The following CCDC148 variants were observed in gnomAD, a reference collection of about 807,000 sequenced individuals.
CCDC148 encodes coiled-coil domain-containing protein 148.
In CCDC148, 89 loss-of-function variants were observed where a neutral mutation model predicts 85.7. That is an observed-to-expected ratio of 1.04 (90% CI 0.87 to 1.24). The LOEUF (loss-of-function observed/expected upper bound fraction) is 1.24. CCDC148 is among the 50% of genes most tolerant of loss of function. The pLI, the probability that CCDC148 is intolerant of heterozygous loss-of-function variation, is 0.00. For synonymous variants in CCDC148, 230 were observed against 213.9 expected (o/e 1.08, Z -0.66); for missense variants, 692 against 671.7 (o/e 1.03, Z -0.33).
intron 11 of CCDC148, among the ~76,000 whole-genome samples, chr2:158,192,061 C>A (rs1371517856): frequency 6.6e-6 from 1 of 152,028 alleles, no homozygotes; most frequent in African/African-American, 2.4e-5. Flanking sequence ...AGGGAACCAA[C>A]TTTACTGGAA....
intron 11 of CCDC148, among the ~76,000 whole-genome samples, chr2:158,210,091 G>C (rs1382114216): frequency 1.3e-5 from 2 of 152,070 alleles, no homozygotes; most frequent in East Asian, 3.9e-4. Context: ...GACACACATA[G>C]GCTCAAAATA....
chr2:158,324,248 G>C (rs796653417), intron 7 of CCDC148, among the ~76,000 whole-genome samples: 19 of 152,020 alleles, frequency 1.2e-4, no homozygotes, highest in African/African-American at 4.6e-4. Flanking sequence ...TTATTTGGGT[G>C]AATAACATTT....
chr2:158,432,932 A>G (rs1202588334), intron 1 of CCDC148, among the ~76,000 whole-genome samples: 1 of 151,580 alleles, frequency 6.6e-6, no homozygotes, highest in African/African-American at 2.4e-5. Flanking sequence ...ATCATACACA[A>G]AAATTAACAT....
intron 5 of CCDC148, 32 bp downstream of exon 5, chr2:158,340,210 T>G (rs200424320): frequency 1.7e-5 from 27 of 1,601,450 alleles, no homozygotes; most frequent in Non-Finnish European, 4.3e-6. Flanking sequence ...AATGAAATAT[T>G]ACATTATGGA....
chr2:158,203,711 G>GA (rs552660818), intron 11 of CCDC148, among the ~76,000 whole-genome samples: 1 of 151,840 alleles, frequency 6.6e-6, no homozygotes, highest in African/African-American at 2.4e-5. Flanking sequence ...AAAAGGAAAA[G>GA]AAAAAAATTC....
rs1232912499 is a variant in CCDC148 at position 158,338,931 on chromosome 2, T to A, written c.583-24A>T. On this transcript the variant is annotated intron_variant, in intron 6 of 13. Coordinates refer to ENST00000283233, the MANE Select transcript of CCDC148 (RefSeq NM_138803.4). ...ATCTGAAAAAAAGTATATGATTATT[T>A]TATTTAACATAAACGACAAATTGAT... 12 of 1,599,670 alleles carry A rather than the reference T, an allele frequency of 7.5e-6. No homozygotes were observed. The African/African-American group carries it at 1.6e-4, about 22-fold the overall frequency.
At chr2:158,418,281 T>A (rs534397559) in intron 1 of CCDC148, among the ~76,000 whole-genome samples, 5 of 152,276 alleles carry the variant, frequency 3.3e-5, no homozygotes, top group African/African-American at 1.2e-4. Context: ...AATCTTTCCA[T>A]TCTAAAATTT....
intron 1 of CCDC148, among the ~76,000 whole-genome samples, chr2:158,441,807 T>C (rs1687944138): frequency 6.6e-6 from 1 of 152,182 alleles, no homozygotes; most frequent in South Asian, 2.1e-4. Context: ...AATATTAATA[T>C]CTTCCATGTT....
At chr2:158,389,657 A>G (rs1306662142) in intron 1 of CCDC148, among the ~76,000 whole-genome samples, 1 of 152,206 alleles carries the variant, frequency 6.6e-6, no homozygotes, top group African/African-American at 2.4e-5. Context: ...TTTATTTGTA[A>G]AGATGTCTTC....
chr2:158,311,018 C>A (rs1691980506), intron 8 of CCDC148, among the ~76,000 whole-genome samples: 1 of 152,132 alleles, frequency 6.6e-6, no homozygotes, highest in South Asian at 2.1e-4. Flanking sequence ...GGGCTCCTCA[C>A]ATCCCAGAAG....
At chr2:158,372,549 G>A (rs903920418) in intron 1 of CCDC148, among the ~76,000 whole-genome samples, 4 of 151,958 alleles carry the variant, frequency 2.6e-5, no homozygotes, top group Admixed American at 2.6e-4. Flanking sequence ...TACTTTCCCA[G>A]CCTACATACC....
chr2:158,193,061 A>G (rs1685496082), intron 11 of CCDC148, among the ~76,000 whole-genome samples: 1 of 151,956 alleles, frequency 6.6e-6, no homozygotes, highest in Admixed American at 6.6e-5. Context: ...CCATTATTTC[A>G]AGAGACAAGA....
intron 1 of CCDC148, among the ~76,000 whole-genome samples, chr2:158,358,947 T>C (rs963932370): frequency 2.6e-5 from 4 of 152,278 alleles, no homozygotes; most frequent in African/African-American, 9.6e-5. Flanking sequence ...TATCACATCA[T>C]TATAAATCAA....
At chr2:158,447,576 T>C (rs1171353951) in intron 1 of CCDC148, 2 of 152,242 alleles carry the variant, frequency 1.3e-5, no homozygotes, top group Admixed American at 6.5e-5. Context: ...CACTGTGTAT[T>C]GTCAATTTTT....
intron 9 of CCDC148, among the ~76,000 whole-genome samples, chr2:158,269,472 C>A (rs148076344): frequency 6.6e-6 from 1 of 152,128 alleles, no homozygotes; most frequent in Non-Finnish European, 1.5e-5. Flanking sequence ...TGCCCTCCAA[C>A]CCCCATGTAA....
chr2:158,259,563 T>C (rs1463959682), intron 9 of CCDC148, among the ~76,000 whole-genome samples: 3 of 151,994 alleles, frequency 2.0e-5, no homozygotes, highest in Non-Finnish European at 4.4e-5. Flanking sequence ...TTCAAACCAT[T>C]GTGTACACAT....
intron 9 of CCDC148, among the ~76,000 whole-genome samples, chr2:158,270,818 T>C (rs1267469518): frequency 6.6e-6 from 1 of 152,146 alleles, no homozygotes; most frequent in Non-Finnish European, 1.5e-5. Flanking sequence ...CTTTTCCAAT[T>C]ATAGAAAGCA....
chr2:158,432,065 T>C (rs958286506), intron 1 of CCDC148, among the ~76,000 whole-genome samples: 6 of 152,058 alleles, frequency 3.9e-5, no homozygotes, highest in Non-Finnish European at 5.9e-5. Flanking sequence ...ATATAATGAA[T>C]AAGCTGATAA....
chr2:158,251,850 G>A (rs1268841588), intron 9 of CCDC148, among the ~76,000 whole-genome samples: 1 of 151,754 alleles, frequency 6.6e-6, no homozygotes, highest in Non-Finnish European at 1.5e-5. Flanking sequence ...TTTGGAAGGG[G>A]ACTTACCAAA....
Sources: gnomAD v4.1 joint callset for allele counts (sites outside exome capture counted in the v4.1 genomes callset) on GRCh38, gnomAD v4.1.1 for gene constraint, MANE v1.5 for transcripts, NCBI Gene and HGNC (gene_info 2026-07-23, HGNC 2026-07-21) for gene names.